Variants in KCNS3 observed in about 807,000 individuals in gnomAD.
The protein encoded by KCNS3 is potassium voltage-gated channel modifier subfamily S member 3.
In KCNS3, 13 loss-of-function variants were observed where a neutral mutation model predicts 31.0. The ratio of observed to expected loss-of-function variants is 0.42; its 90% CI spans 0.27 to 0.67. KCNS3 has a LOEUF of 0.67. Ranked by LOEUF, KCNS3 falls within the 30% of genes least tolerant of loss-of-function variation. The pLI, the probability that KCNS3 is intolerant of heterozygous loss-of-function variation, is 0.25. For synonymous variants in KCNS3, 238 were observed against 241.5 expected, an observed-to-expected ratio of 0.99 and a Z score of 0.13; for missense variants, 545 against 622.4, an observed-to-expected ratio of 0.88 and a Z score of 1.32.
intron 1 of KCNS3, among the ~76,000 whole-genome samples, chr2:17,892,055 A>G (rs552211382): frequency 1.3e-5 from 2 of 152,292 alleles, no homozygotes; most frequent in Admixed American, 1.3e-4. Context: ...TTCCTCAGGA[A>G]CATTAATTAT....
intron 1 of KCNS3, among the ~76,000 whole-genome samples, chr2:17,901,999 T>A (rs1558451427): frequency 6.6e-6 from 1 of 152,060 alleles, no homozygotes; most frequent in Non-Finnish European, 1.5e-5. Context: ...CTGCAGACAT[T>A]TTATTAATAT....
intron 2 of KCNS3, among the ~76,000 whole-genome samples, chr2:17,927,325 GTCT>G (rs1201308732): frequency 2.0e-5 from 3 of 152,076 alleles, no homozygotes; most frequent in Non-Finnish European, 4.4e-5. Flanking sequence ...ACATCTTCCT[GTCT>G]TCTTTGGAAT....
intron 1 of KCNS3, among the ~76,000 whole-genome samples, chr2:17,906,334 A>G (rs980632455): frequency 1.3e-5 from 2 of 151,956 alleles, no homozygotes; most frequent in African/African-American, 2.4e-5. Context: ...TATTGTGTCT[A>G]TTTGATTCTT....
chr2:17,932,699 AAG>A lies in KCNS3; in HGVS notation c.*222_*223del, dbSNP rs765694732. The A allele has an allele frequency of 6.6e-4, 348 of 525,928 alleles. 1 individual carries two copies. Among genetic ancestry groups the A allele is most frequent in the Non-Finnish European group, 9.2e-4 (272 of 296,474 alleles). The allele number at this position is 525,928 out of a possible 1,614,324, so 32.6% of individuals were successfully genotyped here. A position where few individuals can be genotyped will look rare whatever the true frequency, so the allele number is the denominator to read the frequency against. On this transcript the variant is annotated 3_prime_UTR_variant, in exon 3 of 3. Transcript: ENST00000304101. ...CCTTGTTCTGAAATTTATTTTTTAC[AAG>A]AGAGAGTTGTGATATAGTTTGGAAT... is the stretch of plus-strand genomic sequence containing the variant.
At chr2:17,921,880 A>C (rs1037927597) in intron 2 of KCNS3, among the ~76,000 whole-genome samples, 22 of 142,130 alleles carry the variant, frequency 1.5e-4, no homozygotes, top group African/African-American at 5.8e-4. Flanking sequence ...CAGTTTTCAA[A>C]TGTCCCTGAT....
At chr2:17,881,631 A>G (rs1558444067) in intron 1 of KCNS3, among the ~76,000 whole-genome samples, 1 of 152,368 alleles carries the variant, frequency 6.6e-6, no homozygotes, top group East Asian at 1.9e-4. Flanking sequence ...AGTAACTTGT[A>G]CAAGGTCACC....
chr2:17,917,943 A>G (rs1427754004), intron 2 of KCNS3, 72 bp downstream of exon 2: 2 of 152,690 alleles, frequency 1.3e-5, no homozygotes, highest in Non-Finnish European at 2.9e-5. Context: ...AATGAGCGTT[A>G]CAGTGTAGTG....
intron 1 of KCNS3, among the ~76,000 whole-genome samples, chr2:17,904,309 T>C (rs1470987696): frequency 6.6e-6 from 1 of 152,204 alleles, no homozygotes; most frequent in Non-Finnish European, 1.5e-5. Flanking sequence ...TGGGGTTGTT[T>C]GTTTTTTTCT....
At chr2:17,900,239 C>T (rs560311173) in intron 1 of KCNS3, among the ~76,000 whole-genome samples, 96 of 152,252 alleles carry the variant, frequency 6.3e-4, no homozygotes, top group African/African-American at 2.0e-3. Flanking sequence ...GCAGAGCTCA[C>T]GGTGCAGTGT....
At chr2:17,914,459 T>G (rs4832518) in intron 1 of KCNS3, among the ~76,000 whole-genome samples, 2 of 152,258 alleles carry the variant, frequency 1.3e-5, no homozygotes, top group South Asian at 2.1e-4. Context: ...AGTCTTCAGG[T>G]TAAGACTCTT....
chr2:17,930,404 A>G (rs1404983673), intron 2 of KCNS3, among the ~76,000 whole-genome samples: 1 of 152,182 alleles, frequency 6.6e-6, no homozygotes, highest in Non-Finnish European at 1.5e-5. Context: ...TTAAAGGAGT[A>G]AAACATTGGT....
chr2:17,931,913 A>C lies in KCNS3; in HGVS notation c.905A>C (p.Lys302Thr). The stretch of plus-strand genomic sequence containing the variant: ...CTTATGAGGATTTTCCGAATTCTAA[A>C]GCTTGCCCGGCACTCGGTAGGACTT... Reference protein sequence around the residue: ...LRLMRIFRILKLARHSVGLRS... With the variant: ...LRLMRIFRILTLARHSVGLRS... The change falls in exon 3 of 3, where the codon AAG becomes ACG. Residue 302 changes from lysine (K) to threonine (T), a missense_variant. Transcript: ENST00000304101. This position sits in a 1 kb window ranked among gnomAD's most constrained non-coding sequence, Gnocchi z 5.4. The C allele has an allele frequency of 6.2e-7, 1 of 1,614,108 alleles. No individual in the cohort carries two copies. Among genetic ancestry groups the C allele is most frequent in the South Asian group, 1.1e-5 (1 of 91,074 alleles).
At chr2:17,924,331 C>T (rs939966380) in intron 2 of KCNS3, among the ~76,000 whole-genome samples, 7 of 151,892 alleles carry the variant, frequency 4.6e-5, no homozygotes, top group Non-Finnish European at 8.8e-5. Context: ...CCTTTTCAGT[C>T]TGGATGCATT....
rs1271784467 is a variant in KCNS3, at chr2:17,931,482, G to A, written c.474G>A (p.Lys158=). The change falls in exon 3 of 3, where the codon AAG becomes AAA. Residue 158 remains lysine, a synonymous_variant. Coordinates refer to ENST00000304101, the MANE Select transcript of KCNS3 (RefSeq NM_002252.5). This position sits in a 1 kb window ranked among gnomAD's most constrained non-coding sequence, Gnocchi z 5.4. ...CTCTGTTTGAGAAAGAGCTGGAGAAGTTTGACACACTGCGATTTGGTCAGC... is the reference window on the plus strand; with the variant it reads ...CTCTGTTTGAGAAAGAGCTGGAGAAATTTGACACACTGCGATTTGGTCAGC... ...ESSLFEKELE[K]FDTLRFGQLR... The A allele has an allele frequency of 1.9e-6, 3 of 1,614,090 alleles. No homozygotes were observed. The highest frequency in any genetic ancestry group is 2.7e-5 in the African/African-American group (2 of 74,934).
At chr2:17,908,748 A>G (rs1390670508) in intron 1 of KCNS3, among the ~76,000 whole-genome samples, 1 of 152,240 alleles carries the variant, frequency 6.6e-6, no homozygotes, top group Non-Finnish European at 1.5e-5. Context: ...TTGCCTGGGT[A>G]TCAGCCGTGG....
chr2:17,911,886 C>T (rs576746675), intron 1 of KCNS3, among the ~76,000 whole-genome samples: 9 of 152,252 alleles, frequency 5.9e-5, no homozygotes, highest in South Asian at 2.1e-4. Context: ...ATCTGCAAAA[C>T]GAATGCAATA....
At chr2:17,880,332 G>A (rs1306867650) in intron 1 of KCNS3, among the ~76,000 whole-genome samples, 1 of 152,188 alleles carries the variant, frequency 6.6e-6, no homozygotes, top group Admixed American at 6.5e-5. Context: ...CAACCAGCCC[G>A]CCATGGGCCA....
At position 17,932,698 on chromosome 2, in the gene KCNS3, CAA is replaced by C. The variant is rs1663031309; in HGVS notation, c.*215_*216del. The C allele has an allele frequency of 1.1e-5, 6 of 528,066 alleles. No individual in the cohort carries two copies. The Admixed American group carries it at 2.3e-4, about 20-fold the overall frequency. The allele number at this position is 528,066 out of a possible 1,614,324, so 32.7% of individuals were successfully genotyped here. On this transcript the variant is annotated 3_prime_UTR_variant, in exon 3 of 3. Transcript: ENST00000304101. ...GCCTTGTTCTGAAATTTATTTTTTA[CAA>C]GAGAGAGTTGTGATATAGTTTGGAA...
intron 1 of KCNS3, among the ~76,000 whole-genome samples, chr2:17,896,908 G>A (rs1435913486): frequency 6.6e-6 from 1 of 151,940 alleles, no homozygotes; most frequent in Non-Finnish European, 1.5e-5. Context: ...TTTTATTTCA[G>A]GTTCAGGGAG....
Sources: allele counts gnomAD v4.1 joint callset (sites outside exome capture counted in the v4.1 genomes callset), GRCh38; gene constraint gnomAD v4.1.1; non-coding constraint Gnocchi (gnomAD v3.1); transcripts MANE v1.5; gene names NCBI Gene and HGNC (gene_info 2026-07-23, HGNC 2026-07-21).